The following CNBP variants were observed in gnomAD, a reference collection of about 807,000 sequenced individuals.
CNBP encodes cellular nucleic acid-binding protein.
A neutral mutation model predicts 21.2 loss-of-function variants in CNBP; 6 were observed. The ratio of observed to expected loss-of-function variants is 0.28; its 90% CI spans 0.16 to 0.56. The LOEUF is 0.56. Ranked by LOEUF, CNBP falls within the 20% of genes least tolerant of loss-of-function variation. The pLI, the probability that CNBP is intolerant of heterozygous loss-of-function variation, is 0.93. For synonymous variants in CNBP, 61 were observed against 74.9 expected, an observed-to-expected ratio of 0.81 and a Z score of 0.96; for missense variants, 112 against 233.1, an observed-to-expected ratio of 0.48 and a Z score of 3.38.
In CNBP at chr3:129,169,289, A is replaced by G. The variant is rs889513848; in HGVS notation, c.*1164T>C. ...CGACAAGAGTGAGACTCCGTCTCCA[A>G]AACAAAACAAAACCACCACCACCAA... On this transcript the variant is annotated 3_prime_UTR_variant, in exon 5 of 5. Transcript: ENST00000422453. 6.6e-6 allele frequency among the ~76,000 whole-genome samples: 1 copy of G among 152,130 alleles called. No homozygotes were observed. The highest frequency in any genetic ancestry group is 2.4e-5 in the African/African-American group (1 of 41,416).
rs767316332 is a variant in CNBP, at chr3:129,170,384, A to G, written c.*69T>C. The G allele has an allele frequency of 5.2e-6, 7 of 1,343,990 alleles. No homozygotes were observed. The highest frequency in any genetic ancestry group is 7.5e-6 in the Non-Finnish European group (7 of 934,784). 83.3% of individuals were successfully genotyped at this position (1,343,990 alleles called of 1,614,324 possible). A position where few individuals can be genotyped will look rare whatever the true frequency, so the allele number is the denominator to read the frequency against. On this transcript the variant is annotated 3_prime_UTR_variant, in exon 5 of 5. Coordinates refer to ENST00000422453, the MANE Select transcript of CNBP (RefSeq NM_003418.5). ...TGCCTCTATCTGCCAACCTTTGGCC[A>G]GTGAAGAGGATTCAGAGAAAATAAT...
Position 129,170,349 on chromosome 3 carries a change from G to A in CNBP, c.*104C>T, listed in dbSNP as rs1377594842. The A allele has an allele frequency of 4.3e-6, 4 of 928,512 alleles. No homozygotes were observed. The highest frequency in any genetic ancestry group is 1.9e-5 in the Admixed American group (1 of 53,900). The allele number at this position is 928,512 out of a possible 1,614,324, so 57.5% of individuals were successfully genotyped here. On this transcript the variant is annotated 3_prime_UTR_variant, in exon 5 of 5. Coordinates refer to ENST00000422453, the MANE Select transcript of CNBP (RefSeq NM_003418.5). Reference sequence around the variant, plus strand: ...TTTACACGGCAAGTAAAGCTCACTGGCCTGGGAGTTGCCTCTATCTGCCAA... The same window carrying A: ...TTTACACGGCAAGTAAAGCTCACTGACCTGGGAGTTGCCTCTATCTGCCAA...
At position 129,171,102 on chromosome 3, in the gene CNBP, G is replaced by C; in HGVS notation, c.393C>G (p.Asp131Glu). ...SCGEFGHIQKDCTKVKCYRCG... is the reference protein window; with the variant it reads ...SCGEFGHIQKECTKVKCYRCG... ...ACCTATAGCACTTCACTTTGGTGCA[G>C]TCTTTTTGAATGTGTCCGAATTCTC... The change falls in exon 4 of 5, where the codon GAC becomes GAG. Residue 131 changes from aspartate (D) to glutamate (E), a missense_variant. By Grantham distance (45) the Asp-to-Glu change is conservative. Transcript: ENST00000422453. 6.2e-7 allele frequency: 1 copy of C among 1,613,892 alleles called. No individual in the cohort carries two copies. Among genetic ancestry groups the C allele is most frequent in the Non-Finnish European group, 8.5e-7 (1 of 1,180,036 alleles).
intron 1 of CNBP, among the ~76,000 whole-genome samples, chr3:129,173,036 A>C (rs1233111643): frequency 6.6e-6 from 1 of 152,224 alleles, no homozygotes; most frequent in Non-Finnish European, 1.5e-5. Flanking sequence ...TACAAATCTT[A>C]TCTCTAGATG....
At chr3:129,176,909 A>G (rs1937943319) in intron 1 of CNBP, among the ~76,000 whole-genome samples, 1 of 152,224 alleles carries the variant, frequency 6.6e-6, no homozygotes, top group South Asian at 2.1e-4. Flanking sequence ...ACTAGAAAAT[A>G]TCAAAGGAAG....
At chr3:129,182,770 GC>G (rs1938390442) in intron 1 of CNBP, among the ~76,000 whole-genome samples, 1 of 152,118 alleles carries the variant, frequency 6.6e-6, no homozygotes, top group African/African-American at 2.4e-5. Flanking sequence ...AGCCCCATCA[GC>G]CCCTTTTGGA....
At chr3:129,178,998 C>G (rs952361285) in intron 1 of CNBP, among the ~76,000 whole-genome samples, 12 of 152,046 alleles carry the variant, frequency 7.9e-5, no homozygotes, top group Admixed American at 3.3e-4. Context: ...ACTATGGGGG[C>G]CGGGTGTGCT....
chr3:129,183,604 A>G (rs772743855), intron 1 of CNBP, among the ~76,000 whole-genome samples, 172 bp downstream of exon 1: 8 of 152,228 alleles, frequency 5.3e-5, no homozygotes, highest in Non-Finnish European at 8.8e-5. Flanking sequence ...GGTGCGCCAG[A>G]AACCCGGGTC....
At chr3:129,170,606 C>G in intron 4 of CNBP, 36 bp from the exon 5 acceptor site, 1 of 1,531,824 alleles carries the variant, frequency 6.5e-7, no homozygotes. Context: ...CAATGGGCCT[C>G]AGAAAAAAAC....
chr3:129,178,812 G>A (rs1172377310), intron 1 of CNBP, among the ~76,000 whole-genome samples: 3 of 151,020 alleles, frequency 2.0e-5, no homozygotes, highest in Non-Finnish European at 4.4e-5. Context: ...GCACGATCTC[G>A]GCTCACTGCA....
At chr3:129,178,231 T>TAAGAGGTGTA (rs1458853033) in intron 1 of CNBP, among the ~76,000 whole-genome samples, 1 of 151,242 alleles carries the variant, frequency 6.6e-6, no homozygotes, top group Non-Finnish European at 1.5e-5. Flanking sequence ...TATGCTAAAC[T>TAAGAGGTGTA]AAGAGGTGTA....
At chr3:129,178,179 AT>A (rs1290976561) in intron 1 of CNBP, among the ~76,000 whole-genome samples, 56 of 150,966 alleles carry the variant, frequency 3.7e-4, no homozygotes, top group African/African-American at 1.1e-3. Context: ...AAAAAAAAAA[AT>A]AAGGTCTGAC....
rs1006051420 is a variant in CNBP, at chr3:129,169,984, T to C, written c.*469A>G. 4.2e-6 allele frequency: 1 copy of C among 235,366 alleles called. No homozygotes were observed. The highest frequency in any genetic ancestry group is 8.4e-6 in the Non-Finnish European group (1 of 118,860). The allele number at this position is 235,366 out of a possible 1,614,324, so 14.6% of individuals were successfully genotyped here. ...TTGTTTACTCCCACTCAACTGTATG[T>C]TCTATGTAGGGCCTGATACAGATGT... On this transcript the variant is annotated 3_prime_UTR_variant, in exon 5 of 5. Coordinates refer to ENST00000422453, the MANE Select transcript of CNBP (RefSeq NM_003418.5).
intron 1 of CNBP, among the ~76,000 whole-genome samples, chr3:129,174,431 C>T (rs1937754584): frequency 6.8e-6 from 1 of 147,920 alleles, no homozygotes; most frequent in African/African-American, 2.5e-5. Flanking sequence ...TTTGGGAGGC[C>T]GACGAGGATG....
chr3:129,171,956 G>C (rs950350595), intron 1 of CNBP, among the ~76,000 whole-genome samples, 185 bp from the exon 2 acceptor site: 2 of 152,120 alleles, frequency 1.3e-5, no homozygotes, highest in African/African-American at 2.4e-5. Flanking sequence ...GAGGTGGGTG[G>C]ATCATGAGAT....
chr3:129,182,119 GAACA>G (rs1271224775), intron 1 of CNBP, among the ~76,000 whole-genome samples: 1 of 152,046 alleles, frequency 6.6e-6, no homozygotes, highest in Non-Finnish European at 1.5e-5. Flanking sequence ...TATACTGCTT[GAACA>G]AACAAATAAC....
At chr3:129,174,858 A>G (rs1465489126) in intron 1 of CNBP, among the ~76,000 whole-genome samples, 2 of 152,092 alleles carry the variant, frequency 1.3e-5, no homozygotes, top group Non-Finnish European at 2.9e-5. Flanking sequence ...CAAGGCCTGA[A>G]TATCTTATAA....
chr3:129,172,780 C>T (rs1367656679), intron 1 of CNBP, among the ~76,000 whole-genome samples: 1 of 151,618 alleles, frequency 6.6e-6, no homozygotes, highest in African/African-American at 2.4e-5. Flanking sequence ...TTAATGGACA[C>T]ATTTGCATGG....
intron 1 of CNBP, among the ~76,000 whole-genome samples, chr3:129,180,059 C>T (rs1160792461): frequency 6.6e-6 from 1 of 151,548 alleles, no homozygotes; most frequent in African/African-American, 2.4e-5. Context: ...CACAAAAATG[C>T]TATCGTAATA....
Sources: gnomAD v4.1 joint callset for allele counts (sites outside exome capture counted in the v4.1 genomes callset) on GRCh38, gnomAD v4.1.1 for gene constraint, MANE v1.5 for transcripts, NCBI Gene and HGNC (gene_info 2026-07-23, HGNC 2026-07-21) for gene names.